Variants in TTYH2 observed in about 807,000 individuals in gnomAD.
TTYH2 encodes tweety family member 2, also known as protein tweety homolog 2.
In TTYH2, 49 loss-of-function variants were observed where a neutral mutation model predicts 68.3. The observed-to-expected ratio is 0.72, with a 90% CI of 0.57 to 0.91. TTYH2 has a LOEUF of 0.91. TTYH2 is among the 40% of genes least tolerant of loss of function. The pLI, the probability that TTYH2 is intolerant of heterozygous loss-of-function variation, is 0.00. For synonymous variants in TTYH2, 272 were observed against 300.8 expected (o/e 0.90, Z 0.99); for missense variants, 631 against 700.4 (o/e 0.90, Z 1.12).
chr17:74,252,277 A>G lies in TTYH2; in HGVS notation c.1160A>G (p.Gln387Arg). The change falls in exon 11 of 14, where the codon CAG becomes CGG. Residue 387 changes from glutamine to arginine, a missense_variant. Coordinates refer to ENST00000269346, the MANE Select transcript of TTYH2 (RefSeq NM_032646.6). ...ALAGICYDGL[Q>R]GLLYLGLFSF... ...GCTGGCATCTGCTACGACGGCCTCC[A>G]GGGCTTGCTGTACCTTGGCCTCTTC... is the stretch of plus-strand genomic sequence containing the variant. The G allele has an allele frequency of 6.2e-7, 1 of 1,613,724 alleles. No homozygotes were observed. The highest frequency in any genetic ancestry group is 8.5e-7 in the Non-Finnish European group (1 of 1,180,020).
At chr17:74,223,109 TTTTA>T (rs1305533639) in intron 2 of TTYH2, among the ~76,000 whole-genome samples, 1 of 152,050 alleles carries the variant, frequency 6.6e-6, no homozygotes, top group Non-Finnish European at 1.5e-5. Flanking sequence ...GGAGAATTTC[TTTTA>T]TTTATTTATT....
rs991046701 is a variant in TTYH2 at position 74,249,964 on chromosome 17, C to G, written c.959C>G (p.Thr320Ser). Residue 320 changes from threonine (T) to serine (S), a missense_variant, in exon 9 of 14, where the codon ACC becomes AGC. Thr to Ser is a moderately conservative substitution (Grantham distance 58). Transcript: ENST00000269346. ...CTGACCACCTTCCAGCGCGCACTTACCACCATGCAGATCCAGGTCGCGGGG... is the reference window on the plus strand; with the variant it reads ...CTGACCACCTTCCAGCGCGCACTTAGCACCATGCAGATCCAGGTCGCGGGG... The part of the protein sequence containing the change: ...QTLTTFQRAL[T>S]TMQIQVAGLL... The G allele has an allele frequency of 9.3e-6, 15 of 1,614,144 alleles. No individual in the cohort carries two copies. Among genetic ancestry groups the G allele is most frequent in the African/African-American group, 1.3e-5 (1 of 75,028 alleles).
rs993535593 is a variant in TTYH2 at position 74,253,747 on chromosome 17, C to T, written c.1446-8C>T. The T allele has an allele frequency of 6.2e-7, 1 of 1,613,994 alleles. No homozygotes were observed. ...ATCCCCTCCTGAGCTCTCCTCTCAT[C>T]CCCGCAGGAACCAAGCCATGCTCTT... On this transcript the variant is annotated splice_polypyrimidine_tract_variant and splice_region_variant and intron_variant, in intron 12 of 13. Transcript: ENST00000269346.
chr17:74,219,267 T>C (rs886237902), intron 1 of TTYH2, among the ~76,000 whole-genome samples: 31 of 150,836 alleles, frequency 2.1e-4, no homozygotes, highest in African/African-American at 7.1e-4. Flanking sequence ...CACATGCCTG[T>C]AATCCCAGAT....
rs915951327 is a variant in TTYH2 at position 74,251,230 on chromosome 17, A to ATG, written c.1116+882_1116+883dup. On this transcript the variant is annotated intron_variant, in intron 10 of 13. Transcript: ENST00000269346. The stretch of plus-strand genomic sequence containing the variant: ...GTGTGGTGCATGTGTATGTGCCTGT[A>ATG]TGTGTGTGTGGGGTGTGTGGTGTGT... Among the ~76,000 whole-genome samples, 22 of 142,894 alleles carry ATG rather than the reference A, an allele frequency of 1.5e-4. No individual in the cohort carries two copies. In the East Asian group the frequency reaches 3.8e-3, roughly 25 times the overall value. The allele number at this position is 142,894 out of a possible 152,430, so 93.7% of individuals were successfully genotyped here.
At position 74,231,687 on chromosome 17, in the gene TTYH2, G is replaced by GA. The variant is rs879717385; in HGVS notation, c.414+700dup. On this transcript the variant is annotated intron_variant, in intron 3 of 13. Transcript: ENST00000269346. ...ATGAGACTCCATCTCAAAAATTAAA[G>GA]AAAAAAAAAAAATTGAAGAGCCCCG... Among the ~76,000 whole-genome samples, 253 of 144,190 alleles carry GA rather than the reference G, an allele frequency of 1.8e-3. 1 individual carries two copies. Among genetic ancestry groups the GA allele is most frequent in the Admixed American group, 8.7e-3 (126 of 14,528 alleles). The allele number at this position is 144,190 out of a possible 152,430, so 94.6% of individuals were successfully genotyped here. A position where few individuals can be genotyped will look rare whatever the true frequency, so the allele number is the denominator to read the frequency against.
In TTYH2 at chr17:74,260,057, T is replaced by TGG. The variant is rs1567824029; in HGVS notation, c.1525-72_1525-71insGG. 14 of 1,412,038 alleles carry TGG rather than the reference T, an allele frequency of 9.9e-6. No individual in the cohort carries two copies. The East Asian group carries it at 3.2e-4, about 32-fold the overall frequency. 87.5% of individuals were successfully genotyped at this position (1,412,038 alleles called of 1,614,324 possible). A position where few individuals can be genotyped will look rare whatever the true frequency, so the allele number is the denominator to read the frequency against. On this transcript the variant is annotated intron_variant, in intron 13 of 13. Transcript: ENST00000269346. ...CCCGACCCAGTTCCACTCTGAGAAG[T>TGG]CCCCGGCACCTTTGCTGGTGCAGTG...
In TTYH2 at chr17:74,253,858, T is replaced by C. The variant is rs370371579; in HGVS notation, c.1524+25T>C. 3.1e-6 allele frequency: 5 copies of C among 1,612,204 alleles called. No homozygotes were observed. The African/African-American group carries it at 6.7e-5, about 22-fold the overall frequency. On this transcript the variant is annotated intron_variant, in intron 13 of 13. Transcript: ENST00000269346. ...GGTAATTGGGGCTCTGGCCCTTCCTTGTTGGGGTAATACATAAAGACAAAA... is the reference window on the plus strand; with the variant it reads ...GGTAATTGGGGCTCTGGCCCTTCCTCGTTGGGGTAATACATAAAGACAAAA...
intron 3 of TTYH2, among the ~76,000 whole-genome samples, chr17:74,234,589 T>A (rs2050423541): frequency 6.6e-6 from 1 of 152,266 alleles, no homozygotes; most frequent in African/African-American, 2.4e-5. Context: ...TTAGTTTTGT[T>A]TCCTGTGGGA....
At chr17:74,235,016 A>G (rs1428070472) in intron 3 of TTYH2, among the ~76,000 whole-genome samples, 1 of 152,132 alleles carries the variant, frequency 6.6e-6, no homozygotes, top group African/African-American at 2.4e-5. Context: ...GAATCTGCAC[A>G]TGGTAGAGTG....
intron 6 of TTYH2, chr17:74,248,326 C>A (rs1190142944): frequency 3.4e-5 from 34 of 985,894 alleles, no homozygotes; most frequent in Non-Finnish European, 3.9e-5. Context: ...TCTCCTGGGG[C>A]CTGCGTCTGC....
At chr17:74,249,216 C>T in intron 7 of TTYH2, 128 bp from the exon 8 acceptor site, 2 of 1,548,476 alleles carry the variant, frequency 1.3e-6, no homozygotes, top group South Asian at 1.1e-5. Context: ...TGCTCTAGGC[C>T]ATTTCCTAGA....
intron 13 of TTYH2, among the ~76,000 whole-genome samples, chr17:74,254,854 C>G (rs997219861): frequency 6.6e-6 from 1 of 152,054 alleles, no homozygotes. Flanking sequence ...TTGGGCTGGA[C>G]GGTGGGTTGG....
intron 1 of TTYH2, among the ~76,000 whole-genome samples, chr17:74,221,059 G>T (rs2050270795): frequency 1.3e-5 from 2 of 152,310 alleles, no homozygotes; most frequent in South Asian, 4.1e-4. Flanking sequence ...CTCCCAAAGT[G>T]CTGGGATATA....
At chr17:74,228,991 G>A (rs1354576397) in intron 2 of TTYH2, among the ~76,000 whole-genome samples, 1 of 152,214 alleles carries the variant, frequency 6.6e-6, no homozygotes, top group Non-Finnish European at 1.5e-5. Flanking sequence ...GGGGCACGGT[G>A]CAGAACTGGA....
chr17:74,250,449 G>A (rs190757424), intron 10 of TTYH2, 92 bp downstream of exon 10: 13 of 1,056,734 alleles, frequency 1.2e-5, no homozygotes, highest in African/African-American at 3.2e-5. Flanking sequence ...CGAGGGGAGC[G>A]ATGGCCTGGG....
Position 74,250,246 on chromosome 17 carries a change from C to G in TTYH2, c.1024-19C>G. On this transcript the variant is annotated intron_variant, in intron 9 of 13. Transcript: ENST00000269346. ...TCCTCCACAGCCCCTCGGCCTCTCT[C>G]GCTCTCTTCCCGCTTCAGGAAGACC... 1.7e-6 allele frequency: 1 copy of G among 591,550 alleles called. No homozygotes were observed. The highest frequency in any genetic ancestry group is 3.6e-5 in the Admixed American group (1 of 27,980). The allele number at this position is 591,550 out of a possible 1,614,324, so 36.6% of individuals were successfully genotyped here. A position where few individuals can be genotyped will look rare whatever the true frequency, so the allele number is the denominator to read the frequency against.
chr17:74,247,776 T>C (rs530254593), intron 6 of TTYH2, among the ~76,000 whole-genome samples: 9 of 152,198 alleles, frequency 5.9e-5, no homozygotes, highest in African/African-American at 1.7e-4. Context: ...ATAGGCCAGG[T>C]TGATGTATTA....
At position 74,214,134 on chromosome 17, in the gene TTYH2, T is replaced by C. The variant is rs1239394081; in HGVS notation, c.129+418T>C. Among the ~76,000 whole-genome samples the C allele has an allele frequency of 6.6e-6, 1 of 151,934 alleles. No individual in the cohort carries two copies. The highest frequency in any genetic ancestry group is 1.5e-5 in the Non-Finnish European group (1 of 67,958). Reference sequence around the variant, plus strand: ...TTTTCGACCGTCTGAGATTCCAAGATGGGGCGCTCTCTTTCCGGGGCTGAG... The same window carrying C: ...TTTTCGACCGTCTGAGATTCCAAGACGGGGCGCTCTCTTTCCGGGGCTGAG... On this transcript the variant is annotated intron_variant, in intron 1 of 13. Transcript: ENST00000269346. This position sits in a 1 kb window ranked among gnomAD's most constrained non-coding sequence, Gnocchi z 4.6.
Sources: gnomAD v4.1 joint callset for allele counts (sites outside exome capture counted in the v4.1 genomes callset) on GRCh38, gnomAD v4.1.1 for gene constraint, Gnocchi (gnomAD v3.1) non-coding constraint, MANE v1.5 for transcripts, NCBI Gene and HGNC (gene_info 2026-07-23, HGNC 2026-07-21) for gene names.